Variants in CDC123 observed in about 807,000 individuals in gnomAD.
CDC123 encodes the protein cell division cycle 123.
Under a neutral mutation model 54.4 loss-of-function variants are expected in CDC123, and 37 were observed. The observed-to-expected ratio is 0.68, with a 90% CI of 0.52 to 0.89. CDC123 has a LOEUF of 0.89. CDC123 is among the 40% of genes least tolerant of loss of function. The pLI is 0.00. For synonymous variants in CDC123, 144 were observed against 136.8 expected (o/e 1.05, Z -0.37); for missense variants, 361 against 412.1 (o/e 0.88, Z 1.07).
chr10:12,199,129 C>T (rs1835405143), intron 2 of CDC123, among the ~76,000 whole-genome samples: 1 of 152,170 alleles, frequency 6.6e-6, no homozygotes, highest in Non-Finnish European at 1.5e-5. Context: ...CTGTTGCAAA[C>T]AGGCTTTATC....
intron 9 of CDC123, 76 bp downstream of exon 9, chr10:12,237,342 T>G: frequency 8.2e-7 from 1 of 1,212,630 alleles, no homozygotes. Context: ...CTATGGTGTG[T>G]ATCCTAATAA....
intron 2 of CDC123, among the ~76,000 whole-genome samples, chr10:12,206,765 T>C (rs905119942): frequency 2.6e-5 from 4 of 152,118 alleles, no homozygotes; most frequent in African/African-American, 4.8e-5. Flanking sequence ...GAGACCATCC[T>C]GGCCAACACG....
chr10:12,205,955 C>T lies in CDC123; in HGVS notation c.147-4012C>T, dbSNP rs1255625163. ...CTGGGACTACAGGTGCCTGCGACCA[C>T]GCCCAGCTAATTTTTTTTGTATTTT... is the stretch of plus-strand genomic sequence containing the variant. On this transcript the variant is annotated intron_variant, in intron 2 of 12. Coordinates refer to ENST00000281141, the MANE Select transcript of CDC123 (RefSeq NM_006023.3). 4.6e-5 allele frequency among the ~76,000 whole-genome samples: 7 copies of T among 150,688 alleles called. No individual in the cohort carries two copies. The East Asian group carries it at 5.8e-4, about 13-fold the overall frequency.
chr10:12,213,991 G>A (rs1442358821), intron 4 of CDC123, among the ~76,000 whole-genome samples: 1 of 152,170 alleles, frequency 6.6e-6, no homozygotes, highest in Non-Finnish European at 1.5e-5. Context: ...GCTAAAAACA[G>A]ATAACCTAGA....
intron 6 of CDC123, among the ~76,000 whole-genome samples, 192 bp from the exon 7 acceptor site, chr10:12,230,756 A>T (rs1212597717): frequency 1.3e-5 from 2 of 152,228 alleles, no homozygotes; most frequent in African/African-American, 2.4e-5. Flanking sequence ...AAATGAGTTC[A>T]TATCTCAGGC....
At chr10:12,245,863 G>C in intron 10 of CDC123, 1 of 240,774 alleles carries the variant, frequency 4.2e-6, no homozygotes, top group Non-Finnish European at 8.1e-6. Context: ...TTGAACCCAA[G>C]AGTTCAAGAC....
chr10:12,207,499 T>G (rs1334421219), intron 2 of CDC123, among the ~76,000 whole-genome samples: 2 of 152,202 alleles, frequency 1.3e-5, no homozygotes, highest in Non-Finnish European at 2.9e-5. Context: ...TTTGTCTGTT[T>G]TCTAATCATT....
intron 4 of CDC123, among the ~76,000 whole-genome samples, chr10:12,211,903 A>G (rs143015226): frequency 1.0e-3 from 155 of 152,286 alleles, no homozygotes; most frequent in African/African-American, 3.5e-3. Context: ...GAGGACCAAC[A>G]TGGTGAAACC....
intron 11 of CDC123, among the ~76,000 whole-genome samples, chr10:12,248,072 A>G (rs1836182904): frequency 6.6e-6 from 1 of 152,190 alleles, no homozygotes; most frequent in African/African-American, 2.4e-5. Context: ...GAACCTTGAG[A>G]ACCAGTGTTT....
At position 12,250,387 on chromosome 10, in the gene CDC123, A is replaced by C; in HGVS notation, c.*50A>C. 6.8e-7 allele frequency: 1 copy of C among 1,472,392 alleles called. No individual in the cohort carries two copies. The highest frequency in any genetic ancestry group is 9.5e-7 in the Non-Finnish European group (1 of 1,051,354). The allele number at this position is 1,472,392 out of a possible 1,614,324, so 91.2% of individuals were successfully genotyped here. On this transcript the variant is annotated 3_prime_UTR_variant, in exon 13 of 13. Transcript: ENST00000281141. ...GGAGGCCCCGCCCCACCGCTCCGGG[A>C]GCTGCTCATCAGCCGCAACTTCCTG... is the stretch of plus-strand genomic sequence containing the variant.
chr10:12,231,440 T>C (rs759609105), intron 7 of CDC123, among the ~76,000 whole-genome samples: 1 of 152,038 alleles, frequency 6.6e-6, no homozygotes, highest in Non-Finnish European at 1.5e-5. Flanking sequence ...CTGGCCATCA[T>C]GGCGAAACCC....
At chr10:12,236,721 C>T (rs946774293) in intron 8 of CDC123, among the ~76,000 whole-genome samples, 20 of 152,160 alleles carry the variant, frequency 1.3e-4, no homozygotes, top group Middle Eastern at 3.4e-3. Context: ...GAAACCCCAT[C>T]TCTGCTAAAA....
At chr10:12,225,746 C>CTTTTTTTTTTT (rs60404885) in intron 6 of CDC123, among the ~76,000 whole-genome samples, 6 of 66,928 alleles carry the variant, frequency 9.0e-5, no homozygotes, top group African/African-American at 2.1e-4. Flanking sequence ...TAGCTTCTCT[C>CTTTTTTTTTTT]TTTTTTTTTT....
Position 12,210,024 on chromosome 10 carries a change from G to T in CDC123, c.204G>T (p.Gln68His), listed in dbSNP as rs1219597252. ...GTGATGATGAAGCAGAAGAAATACAGGTTGGTACCAAATAAAATAATCTGT... is the reference window on the plus strand; with the variant it reads ...GTGATGATGAAGCAGAAGAAATACATGTTGGTACCAAATAAAATAATCTGT... Reference protein sequence around the residue: ...PDSDDEAEEIQWSDDENTATL... With the variant: ...PDSDDEAEEIHWSDDENTATL... Residue 68 changes from glutamine to histidine, a missense_variant and splice_region_variant, in exon 3 of 13, where the codon CAG becomes CAT. Gln to His is a conservative substitution (Grantham distance 24). Transcript: ENST00000281141. 1.2e-6 allele frequency: 2 copies of T among 1,613,906 alleles called. No individual in the cohort carries two copies. The highest frequency in any genetic ancestry group is 1.7e-6 in the Non-Finnish European group (2 of 1,179,824).
At chr10:12,215,858 C>G in intron 5 of CDC123, 23 bp downstream of exon 5, 1 of 1,439,078 alleles carries the variant, frequency 6.9e-7, no homozygotes, top group Non-Finnish European at 9.6e-7. Context: ...AAGTAATTCT[C>G]TTACTGTTTG....
chr10:12,249,175 G>T (rs1836203392), intron 11 of CDC123, among the ~76,000 whole-genome samples: 2 of 151,070 alleles, frequency 1.3e-5, no homozygotes, highest in South Asian at 4.2e-4. Flanking sequence ...AGCCCACCTA[G>T]CCTATAATCT....
intron 6 of CDC123, among the ~76,000 whole-genome samples, chr10:12,226,706 G>A (rs549991497): frequency 1.3e-5 from 2 of 151,612 alleles, no homozygotes; most frequent in East Asian, 3.9e-4. Context: ...TGGGTGGCTG[G>A]GCAGAGACGC....
At chr10:12,196,759 G>C (rs1337151346) in intron 1 of CDC123, among the ~76,000 whole-genome samples, 1 of 152,228 alleles carries the variant, frequency 6.6e-6, no homozygotes, top group Non-Finnish European at 1.5e-5. Context: ...GGAGGCTATA[G>C]TTAATGACGA....
intron 10 of CDC123, among the ~76,000 whole-genome samples, chr10:12,244,266 A>G (rs1358199657): frequency 1.3e-5 from 2 of 152,240 alleles, no homozygotes; most frequent in Non-Finnish European, 1.5e-5. Context: ...CGCTCAGGAC[A>G]TGGCGGCAAC....
Sources: gnomAD v4.1 joint callset for allele counts (sites outside exome capture counted in the v4.1 genomes callset) on GRCh38, gnomAD v4.1.1 for gene constraint, MANE v1.5 for transcripts, NCBI Gene and HGNC (gene_info 2026-07-23, HGNC 2026-07-21) for gene names.